The following NTM variants were observed in gnomAD, a reference collection of about 807,000 sequenced individuals.
The protein encoded by NTM is IgLON family member 2.
A neutral mutation model predicts 42.1 loss-of-function variants in NTM; 13 were observed. The observed-to-expected ratio is 0.31, with a 90% CI of 0.20 to 0.49. The LOEUF (loss-of-function observed/expected upper bound fraction) is 0.49. NTM is among the 20% of genes least tolerant of loss of function. The probability of loss-of-function intolerance (pLI) is 0.99; values close to 1 mark genes in which losing one functional copy is unlikely to be tolerated. For missense variants in NTM, 373 were observed against 452.8 expected, an observed-to-expected ratio of 0.82 and a Z score of 1.60; for synonymous variants, 187 against 179.2, an observed-to-expected ratio of 1.04 and a Z score of -0.35.
chr11:131,812,830 G>A (rs1005379401), intron 1 of NTM, among the ~76,000 whole-genome samples: 16 of 152,276 alleles, frequency 1.1e-4, no homozygotes, highest in Admixed American at 7.2e-4. Flanking sequence ...CAGCAAGAAA[G>A]CATTTAGCAA....
At chr11:131,694,959 C>CA (rs890358724) in intron 1 of NTM, among the ~76,000 whole-genome samples, 3 of 152,158 alleles carry the variant, frequency 2.0e-5, no homozygotes, top group African/African-American at 7.2e-5. Flanking sequence ...GGAGCCCCAG[C>CA]AGAGGGGCAG....
At chr11:131,869,918 G>A (rs1208164826) in intron 1 of NTM, among the ~76,000 whole-genome samples, 2 of 152,170 alleles carry the variant, frequency 1.3e-5, no homozygotes, top group Non-Finnish European at 2.9e-5. Flanking sequence ...TAAGTCAGCC[G>A]ATATTTACTG....
intron 1 of NTM, among the ~76,000 whole-genome samples, chr11:131,442,950 G>A (rs760043848): frequency 6.6e-6 from 1 of 152,046 alleles, no homozygotes; most frequent in Admixed American, 6.6e-5. Context: ...CACACGTGCA[G>A]GTATCTTTTC....
chr11:132,112,932 G>A (rs978329898), intron 2 of NTM, among the ~76,000 whole-genome samples: 11 of 152,136 alleles, frequency 7.2e-5, no homozygotes, highest in Non-Finnish European at 8.8e-5. Context: ...AGGGGGTCTT[G>A]TTACCTCCAG....
intron 2 of NTM, among the ~76,000 whole-genome samples, chr11:132,133,034 A>T (rs967447560): frequency 1.3e-5 from 2 of 152,242 alleles, no homozygotes; most frequent in African/African-American, 4.8e-5. Flanking sequence ...GAATCAGGAG[A>T]TGCTCGCTGT....
chr11:131,445,974 A>G (rs1175419650), intron 1 of NTM, among the ~76,000 whole-genome samples: 6 of 152,254 alleles, frequency 3.9e-5, no homozygotes, highest in African/African-American at 9.6e-5. Context: ...AAAGGCTAAC[A>G]TAGTTACTAT....
intron 2 of NTM, among the ~76,000 whole-genome samples, chr11:132,057,901 A>C (rs530605245): frequency 6.6e-6 from 1 of 152,240 alleles, no homozygotes; most frequent in East Asian, 1.9e-4. Flanking sequence ...ATTTTGACCT[A>C]AGACCATTGC....
In NTM at chr11:131,768,192, G is replaced by A. The variant is rs560427182; in HGVS notation, c.83-143372G>A. Among the ~76,000 whole-genome samples, 5 of 147,510 alleles carry A rather than the reference G, an allele frequency of 3.4e-5. No individual in the cohort carries two copies. The East Asian group carries it at 8.0e-4, about 24-fold the overall frequency. Reference sequence around the variant, plus strand: ...GGCTGGAGTGCAATGGTGTGATCTCGACTACAACCTCCGCCTCCTGGGTTC... The same window carrying A: ...GGCTGGAGTGCAATGGTGTGATCTCAACTACAACCTCCGCCTCCTGGGTTC... On this transcript the variant is annotated intron_variant, in intron 1 of 8. Transcript: ENST00000683400.
intron 3 of NTM, among the ~76,000 whole-genome samples, chr11:132,211,364 C>G (rs2082804702): frequency 6.6e-6 from 1 of 152,246 alleles, no homozygotes; most frequent in African/African-American, 2.4e-5. Flanking sequence ...TGCACCACTG[C>G]ACTCCAGCCT....
intron 1 of NTM, among the ~76,000 whole-genome samples, chr11:131,726,441 C>T (rs796898147): frequency 7.5e-5 from 11 of 147,456 alleles, no homozygotes; most frequent in African/African-American, 3.0e-4. Context: ...CTAGAGACAC[C>T]AGCCCTTTAC....
At chr11:132,130,319 A>G (rs527999188) in intron 2 of NTM, among the ~76,000 whole-genome samples, 6 of 152,272 alleles carry the variant, frequency 3.9e-5, no homozygotes, top group Admixed American at 3.9e-4. Context: ...AGAGAAAGTC[A>G]TAAGATCAAG....
At chr11:131,613,308 C>T (rs914876603) in intron 1 of NTM, among the ~76,000 whole-genome samples, 5 of 152,076 alleles carry the variant, frequency 3.3e-5, no homozygotes, top group African/African-American at 7.2e-5. Flanking sequence ...CGCCTGACTT[C>T]GTAGTTTGCC....
chr11:132,090,599 A>T (rs1421943614), intron 2 of NTM, among the ~76,000 whole-genome samples: 4 of 152,078 alleles, frequency 2.6e-5, no homozygotes, highest in Non-Finnish European at 5.9e-5. Flanking sequence ...TCCCAGCTTG[A>T]GTTATTTCTC....
chr11:131,529,545 A>C (rs1284075315), intron 1 of NTM, among the ~76,000 whole-genome samples: 1 of 152,164 alleles, frequency 6.6e-6, no homozygotes, highest in Non-Finnish European at 1.5e-5. Flanking sequence ...CCGGAGTGTC[A>C]AGGCTCTCCA....
chr11:132,134,757 A>ATATATATC (rs2067544722), intron 2 of NTM, among the ~76,000 whole-genome samples: 2 of 97,274 alleles, frequency 2.1e-5, no homozygotes, highest in Admixed American at 1.2e-4. Flanking sequence ...ATATATATAT[A>ATATATATC]TATCTCACAT....
intron 2 of NTM, among the ~76,000 whole-genome samples, chr11:132,045,052 A>G (rs1380749641): frequency 2.6e-5 from 4 of 152,242 alleles, no homozygotes; most frequent in South Asian, 2.1e-4. Context: ...GCCTGATACC[A>G]AAATCTGGTA....
At chr11:131,398,905 C>T (rs536618288) in intron 1 of NTM, among the ~76,000 whole-genome samples, 1 of 152,258 alleles carries the variant, frequency 6.6e-6, no homozygotes. Flanking sequence ...AAGGCTTGAA[C>T]ATTACATGAA....
intron 1 of NTM, among the ~76,000 whole-genome samples, chr11:131,887,362 G>A (rs908496481): frequency 1.3e-5 from 2 of 152,184 alleles, no homozygotes; most frequent in African/African-American, 4.8e-5. Flanking sequence ...GAAATTCAGT[G>A]AATCCTGATT....
intron 1 of NTM, among the ~76,000 whole-genome samples, chr11:131,444,272 A>G (rs1212294237): frequency 6.6e-6 from 1 of 151,890 alleles, no homozygotes; most frequent in Non-Finnish European, 1.5e-5. Flanking sequence ...GGAAGAAACA[A>G]TAAGAATGAA....
Sources: allele counts gnomAD v4.1 joint callset (sites outside exome capture counted in the v4.1 genomes callset), GRCh38; gene constraint gnomAD v4.1.1; transcripts MANE v1.5; gene names NCBI Gene and HGNC (gene_info 2026-07-23, HGNC 2026-07-21).